Variants in FAM13A observed in about 807,000 individuals in gnomAD.
FAM13A encodes the protein family with sequence similarity 13 member A.
In FAM13A, 76 loss-of-function variants were observed where a neutral mutation model predicts 129.6. The observed-to-expected ratio is 0.59, with a 90% CI of 0.49 to 0.71. The LOEUF is 0.71. Ranked by LOEUF, FAM13A falls within the 30% of genes least tolerant of loss-of-function variation. The probability of loss-of-function intolerance (pLI) is 0.00; values close to 1 mark genes in which losing one functional copy is unlikely to be tolerated. For missense variants in FAM13A, 1,108 were observed against 1,249.3 expected, an observed-to-expected ratio of 0.89 and a Z score of 1.70; for synonymous variants, 443 against 449.9, an observed-to-expected ratio of 0.98 and a Z score of 0.20.
At chr4:88,968,858 G>A (rs1164048856) in intron 4 of FAM13A, among the ~76,000 whole-genome samples, 11 of 152,106 alleles carry the variant, frequency 7.2e-5, no homozygotes. Flanking sequence ...CAACAGAAAT[G>A]CCTATAACGC....
At chr4:88,899,200 G>A (rs1357122965) in intron 6 of FAM13A, among the ~76,000 whole-genome samples, 3 of 152,000 alleles carry the variant, frequency 2.0e-5, no homozygotes, top group Non-Finnish European at 4.4e-5. Flanking sequence ...TTGCAGCAAC[G>A]TGGATGAGAC....
intron 7 of FAM13A, among the ~76,000 whole-genome samples, chr4:88,839,898 A>G (rs762005295): frequency 2.5e-4 from 38 of 152,232 alleles, no homozygotes; most frequent in Non-Finnish European, 4.1e-4. Flanking sequence ...TACCTGGAAT[A>G]TAATGAAGAG....
chr4:88,878,702 A>T (rs1208191789), intron 6 of FAM13A, among the ~76,000 whole-genome samples: 1 of 152,226 alleles, frequency 6.6e-6, no homozygotes, highest in African/African-American at 2.4e-5. Context: ...ATATTTAGTG[A>T]TTGCCTTAAG....
Position 89,014,310 on chromosome 4 carries a change from C to A in FAM13A, c.427+6150G>T, listed in dbSNP as rs146376271. The stretch of plus-strand genomic sequence containing the variant: ...CACAAATACCTATTCCTTGATTTAA[C>A]CCATTACCACTATGACAGCCATCAC... On this transcript the variant is annotated intron_variant, in intron 3 of 23. Coordinates refer to ENST00000264344, the MANE Select transcript of FAM13A (RefSeq NM_014883.4). Among the ~76,000 whole-genome samples, 17 of 152,270 alleles carry A rather than the reference C, an allele frequency of 1.1e-4. No homozygotes were observed. In the East Asian group the frequency reaches 3.1e-3, roughly 28 times the overall value.
intron 4 of FAM13A, among the ~76,000 whole-genome samples, chr4:88,941,726 G>A (rs1754790064): frequency 1.3e-5 from 2 of 152,124 alleles, no homozygotes; most frequent in Non-Finnish European, 2.9e-5. Flanking sequence ...AGAATCCTGT[G>A]TAAGTTCCTC....
intron 1 of FAM13A, among the ~76,000 whole-genome samples, chr4:89,038,033 G>A (rs1004201265): frequency 6.6e-6 from 1 of 152,184 alleles, no homozygotes; most frequent in Non-Finnish European, 1.5e-5. Flanking sequence ...GTAAGGTTTA[G>A]AGCCAGAACA....
intron 16 of FAM13A, 112 bp from the exon 17 acceptor site, chr4:88,749,145 A>G: frequency 1.3e-6 from 1 of 779,186 alleles, no homozygotes; most frequent in Admixed American, 1.8e-5. Context: ...CCCCATCAGA[A>G]TAAGAAATTA....
chr4:89,049,113 T>C (rs1282801133), intron 1 of FAM13A, among the ~76,000 whole-genome samples: 2 of 152,116 alleles, frequency 1.3e-5, no homozygotes, highest in Non-Finnish European at 2.9e-5. Context: ...TTACAAAGAC[T>C]TGGGCTGGGT....
chr4:88,749,747 A>C, intron 16 of FAM13A, 24 bp downstream of exon 16: 1 of 1,612,302 alleles, frequency 6.2e-7, no homozygotes. Context: ...TGAGGCGAAA[A>C]GAACAGTGTG....
At chr4:89,025,955 TAAC>T (rs1269868187) in intron 2 of FAM13A, among the ~76,000 whole-genome samples, 3 of 152,216 alleles carry the variant, frequency 2.0e-5, no homozygotes, top group Non-Finnish European at 2.9e-5. Context: ...ATAATTTTAT[TAAC>T]AATTCAAAAA....
intron 21 of FAM13A, among the ~76,000 whole-genome samples, chr4:88,733,183 G>A (rs1157140802): frequency 6.6e-6 from 1 of 152,298 alleles, no homozygotes; most frequent in South Asian, 2.1e-4. Flanking sequence ...TCCCGCTGGC[G>A]GGCAAAGTAC....
At chr4:88,749,670 A>G (rs1180826707) in intron 16 of FAM13A, 101 bp downstream of exon 16, 1 of 1,238,156 alleles carries the variant, frequency 8.1e-7, no homozygotes, top group Non-Finnish European at 1.1e-6. Context: ...AAGATTCCCT[A>G]GAAGCCTCCC....
In FAM13A at chr4:88,729,069, T is replaced by G. The variant is rs865869156; in HGVS notation, c.2946-410A>C. ...CTGGTCCACAACTTAGTTTTTTTTT[T>G]TTTTTTTTTTTCCAAAAACAGATAG... On this transcript the variant is annotated intron_variant, in intron 23 of 23. Transcript: ENST00000264344. 5.6e-3 allele frequency: 820 copies of G among 146,070 alleles called. 11 individuals are homozygous for G. The highest frequency in any genetic ancestry group is 0.019 in the African/African-American group (705 of 37,846). 9.0% of individuals were successfully genotyped at this position (146,070 alleles called of 1,614,324 possible).
intron 7 of FAM13A, among the ~76,000 whole-genome samples, chr4:88,849,164 T>C (rs1418728167): frequency 1.3e-5 from 2 of 152,246 alleles, no homozygotes; most frequent in Non-Finnish European, 2.9e-5. Flanking sequence ...AGGCAAATTA[T>C]TGAATTTTCA....
intron 6 of FAM13A, among the ~76,000 whole-genome samples, chr4:88,876,579 A>G (rs1318164355): frequency 6.6e-6 from 1 of 151,058 alleles, no homozygotes; most frequent in Non-Finnish European, 1.5e-5. Flanking sequence ...ATATACACCT[A>G]CCCCCTGGTC....
chr4:88,876,297 T>C (rs1561226071), intron 6 of FAM13A, among the ~76,000 whole-genome samples: 1 of 150,806 alleles, frequency 6.6e-6, no homozygotes, highest in Non-Finnish European at 1.5e-5. Flanking sequence ...ATAATAATAA[T>C]AAAAAAAGAA....
chr4:88,888,770 T>TA (rs35786527), intron 6 of FAM13A, among the ~76,000 whole-genome samples: 18,390 of 133,762 alleles, frequency 0.14, 1,541 homozygotes, highest in Middle Eastern at 0.26. Flanking sequence ...CTAAAAATAC[T>TA]AAAAAAAAAA....
chr4:88,886,566 T>C (rs1744454116), intron 6 of FAM13A, among the ~76,000 whole-genome samples: 3 of 149,482 alleles, frequency 2.0e-5, no homozygotes, highest in Non-Finnish European at 4.4e-5. Flanking sequence ...CCAGCCTGGA[T>C]GACAAGAGTG....
intron 6 of FAM13A, among the ~76,000 whole-genome samples, chr4:88,870,016 C>A (rs1339164025): frequency 6.6e-6 from 1 of 151,972 alleles, no homozygotes; most frequent in African/African-American, 2.4e-5. Flanking sequence ...TAAACTGAGA[C>A]TTTGACAATT....
Sources: gnomAD v4.1 joint callset for allele counts (sites outside exome capture counted in the v4.1 genomes callset) on GRCh38, gnomAD v4.1.1 for gene constraint, MANE v1.5 for transcripts, NCBI Gene and HGNC (gene_info 2026-07-23, HGNC 2026-07-21) for gene names.